Variants in DPP10 observed in about 807,000 individuals in gnomAD.
The protein encoded by DPP10 is dipeptidyl peptidase like 10, also known as inactive dipeptidyl peptidase 10.
Under a neutral mutation model 120.9 loss-of-function variants are expected in DPP10, and 33 were observed. That is an observed-to-expected ratio of 0.27 (90% CI 0.21 to 0.37). The LOEUF (loss-of-function observed/expected upper bound fraction) is 0.37. Ranked by LOEUF, DPP10 falls within the 10% of genes least tolerant of loss-of-function variation. DPP10 has a pLI of 1.00. For missense variants in DPP10, 816 were observed against 942.8 expected, an observed-to-expected ratio of 0.87 and a Z score of 1.76; for synonymous variants, 337 against 326.1, an observed-to-expected ratio of 1.03 and a Z score of -0.36.
intron 5 of DPP10, among the ~76,000 whole-genome samples, chr2:115,603,338 G>A (rs1018169245): frequency 1.5e-4 from 9 of 58,912 alleles, no homozygotes; most frequent in Non-Finnish European, 2.4e-4. Context: ...CCCCCGCCCC[G>A]CCACCCCCCC....
At chr2:115,239,403 C>T (rs2058159520) in intron 1 of DPP10, among the ~76,000 whole-genome samples, 1 of 152,164 alleles carries the variant, frequency 6.6e-6, no homozygotes, top group Non-Finnish European at 1.5e-5. Context: ...GCCACCCCAA[C>T]ATTCAGCAAC....
At chr2:114,456,782 G>T (rs530767420) in intron 1 of DPP10, among the ~76,000 whole-genome samples, 34 of 152,196 alleles carry the variant, frequency 2.2e-4, no homozygotes, top group Non-Finnish European at 4.6e-4. Context: ...TAGGGCATAA[G>T]AGGCAGCATA....
Position 114,877,492 on chromosome 2 carries a change from T to C in DPP10, c.61-431747T>C, listed in dbSNP as rs145001695. Reference sequence around the variant, plus strand: ...TGCTTACTCAATCACAGATGTAACATAGTGACATTGAACTCACTGTGAGCC... The same window carrying C: ...TGCTTACTCAATCACAGATGTAACACAGTGACATTGAACTCACTGTGAGCC... On this transcript the variant is annotated intron_variant, in intron 1 of 25. Transcript: ENST00000410059. Among the ~76,000 whole-genome samples, 1,000 of 152,108 alleles carry C rather than the reference T, an allele frequency of 6.6e-3. 8 individuals carry two copies. The highest frequency in any genetic ancestry group is 0.017 in the South Asian group (81 of 4,822).
At chr2:115,116,734 C>A (rs1213953047) in intron 1 of DPP10, among the ~76,000 whole-genome samples, 1 of 152,136 alleles carries the variant, frequency 6.6e-6, no homozygotes, top group Non-Finnish European at 1.5e-5. Context: ...GTAAAGCACG[C>A]ATTTCCTAAC....
At chr2:114,593,305 A>G (rs1361034820) in intron 1 of DPP10, among the ~76,000 whole-genome samples, 1 of 152,194 alleles carries the variant, frequency 6.6e-6, no homozygotes, top group African/African-American at 2.4e-5. Context: ...CACGCAATTA[A>G]TAGACTGGGC....
chr2:115,794,015 T>G (rs926195999), intron 19 of DPP10, among the ~76,000 whole-genome samples: 32 of 152,302 alleles, frequency 2.1e-4, no homozygotes, highest in African/African-American at 7.5e-4. Context: ...TAAAGCCATA[T>G]TTTTTCTCAA....
rs376798526 is a variant in DPP10 at position 115,086,518 on chromosome 2, G to A, written c.61-222721G>A. On this transcript the variant is annotated intron_variant, in intron 1 of 25. Coordinates refer to ENST00000410059, the MANE Select transcript of DPP10 (RefSeq NM_020868.6). ...GTCACCCAGGCTGGAGTGTAGTGGCGCCATCTCGGCTCACTGCAAGCTCCG... is the reference window on the plus strand; with the variant it reads ...GTCACCCAGGCTGGAGTGTAGTGGCACCATCTCGGCTCACTGCAAGCTCCG... Among the ~76,000 whole-genome samples the A allele has an allele frequency of 5.7e-4, 82 of 145,066 alleles. 1 individual carries two copies. The East Asian group carries it at 8.2e-3, about 14-fold the overall frequency.
intron 5 of DPP10, among the ~76,000 whole-genome samples, chr2:115,588,190 G>C (rs1250039903): frequency 6.6e-6 from 1 of 152,064 alleles, no homozygotes; most frequent in Non-Finnish European, 1.5e-5. Context: ...TTGGGTATTT[G>C]TTGTGGTATC....
At chr2:115,233,191 T>C (rs2105501701) in intron 1 of DPP10, among the ~76,000 whole-genome samples, 1 of 144,474 alleles carries the variant, frequency 6.9e-6, no homozygotes, top group Non-Finnish European at 1.5e-5. Context: ...AGAGAAGTTT[T>C]GCAATTGTGT....
At chr2:114,549,327 G>A (rs76233559) in intron 1 of DPP10, among the ~76,000 whole-genome samples, 4,584 of 151,916 alleles carry the variant, frequency 0.03, 246 homozygotes, top group East Asian at 0.21. Flanking sequence ...TTGAGAAGAG[G>A]CAGCTGACTT....
intron 1 of DPP10, among the ~76,000 whole-genome samples, chr2:114,624,817 A>G (rs1006610113): frequency 6.6e-6 from 1 of 151,996 alleles, no homozygotes; most frequent in Non-Finnish European, 1.5e-5. Flanking sequence ...ATAGTATAAC[A>G]ATAGGATAAT....
At chr2:114,443,672 T>G in intron 1 of DPP10, among the ~76,000 whole-genome samples, 1 of 149,644 alleles carries the variant, frequency 6.7e-6, no homozygotes, top group African/African-American at 2.5e-5. Context: ...TGAGGGAAAG[T>G]GATGGATTCG....
At chr2:114,543,632 A>G (rs1687128888) in intron 1 of DPP10, among the ~76,000 whole-genome samples, 1 of 152,200 alleles carries the variant, frequency 6.6e-6, no homozygotes, top group Admixed American at 6.5e-5. Context: ...AAATCTCTTC[A>G]AACAGTCCTC....
At chr2:115,822,876 A>G (rs1687947690) in intron 21 of DPP10, among the ~76,000 whole-genome samples, 1 of 151,978 alleles carries the variant, frequency 6.6e-6, no homozygotes, top group African/African-American at 2.4e-5. Context: ...CTATAGTCCA[A>G]TAATTCTCTC....
intron 1 of DPP10, among the ~76,000 whole-genome samples, chr2:115,186,288 C>CT (rs968015285): frequency 9.2e-5 from 14 of 152,292 alleles, no homozygotes; most frequent in African/African-American, 3.4e-4. Context: ...GGAGTATATT[C>CT]TTTATGCTTG....
At chr2:114,818,275 C>G (rs1685804130) in intron 1 of DPP10, among the ~76,000 whole-genome samples, 1 of 152,126 alleles carries the variant, frequency 6.6e-6, no homozygotes, top group African/African-American at 2.4e-5. Context: ...GGACCTGTTA[C>G]AGGCTCTATT....
At chr2:114,979,638 T>C (rs1253544368) in intron 1 of DPP10, among the ~76,000 whole-genome samples, 1 of 152,114 alleles carries the variant, frequency 6.6e-6, no homozygotes, top group East Asian at 1.9e-4. Flanking sequence ...AGCTATACTT[T>C]AATCTTGAAA....
Position 115,219,505 on chromosome 2 carries a change from G to A in DPP10, c.61-89734G>A, listed in dbSNP as rs76784045. On this transcript the variant is annotated intron_variant, in intron 1 of 25. Coordinates refer to ENST00000410059, the MANE Select transcript of DPP10 (RefSeq NM_020868.6). ...TCTTACTACTGTTCTTTCTTTGTCC[G>A]TGGTGCTGAAAGCAGGAAGCTGTTC... Among the ~76,000 whole-genome samples, 383 of 152,120 alleles carry A rather than the reference G, an allele frequency of 2.5e-3. 2 individuals carry two copies. Among genetic ancestry groups the A allele is most frequent in the Non-Finnish European group, 4.1e-3 (281 of 67,972 alleles).
intron 1 of DPP10, among the ~76,000 whole-genome samples, chr2:114,981,399 A>T (rs146643559): frequency 1.3e-4 from 20 of 152,370 alleles, no homozygotes; most frequent in African/African-American, 4.8e-4. Context: ...GCAAGTTGAA[A>T]AAACAAAATC....
Sources: gnomAD v4.1 joint callset for allele counts (sites outside exome capture counted in the v4.1 genomes callset) on GRCh38, gnomAD v4.1.1 for gene constraint, MANE v1.5 for transcripts, NCBI Gene and HGNC (gene_info 2026-07-23, HGNC 2026-07-21) for gene names.